NOL4: variants seen among roughly 807,000 people sequenced by gnomAD.
NOL4 encodes cancer/testis antigen 125.
Under a neutral mutation model 75.9 loss-of-function variants are expected in NOL4, and 17 were observed. The ratio of observed to expected loss-of-function variants is 0.22; its 90% CI spans 0.15 to 0.34. The LOEUF is 0.34. NOL4 is among the 10% of genes least tolerant of loss of function. The pLI is 1.00. For missense variants in NOL4, 614 were observed against 793.5 expected (o/e 0.77, Z 2.72); for synonymous variants, 292 against 289.9 (o/e 1.01, Z -0.07).
chr18:34,211,488 A>G (rs1600891507), intron 1 of NOL4, among the ~76,000 whole-genome samples: 1 of 152,188 alleles, frequency 6.6e-6, no homozygotes, highest in East Asian at 1.9e-4. Context: ...TTAGATCCCC[A>G]TATGTGCCTC....
intron 6 of NOL4, among the ~76,000 whole-genome samples, chr18:33,974,261 C>G (rs1158801855): frequency 6.6e-6 from 1 of 152,140 alleles, no homozygotes; most frequent in Non-Finnish European, 1.5e-5. Context: ...TCTCACCTCT[C>G]CCAGCATTCA....
At chr18:33,984,910 G>C (rs2072310255) in intron 6 of NOL4, among the ~76,000 whole-genome samples, 1 of 152,058 alleles carries the variant, frequency 6.6e-6, no homozygotes, top group Non-Finnish European at 1.5e-5. Flanking sequence ...ATTTTACAAA[G>C]TGTTAGCATT....
rs560331305 is a variant in NOL4, at chr18:33,896,091, C to T, written c.1543-12667G>A. Among the ~76,000 whole-genome samples the T allele has an allele frequency of 4.6e-5, 7 of 152,028 alleles. No individual in the cohort carries two copies. In the South Asian group the frequency reaches 1.0e-3, roughly 23 times the overall value. Reference sequence around the variant, plus strand: ...ATAAAATACCTAGGAATACAGCTAACGAGGGAGGTGAAAAATCTCTACAAT... The same window carrying T: ...ATAAAATACCTAGGAATACAGCTAATGAGGGAGGTGAAAAATCTCTACAAT... On this transcript the variant is annotated intron_variant, in intron 9 of 10. Transcript: ENST00000261592.
chr18:34,201,121 G>A (rs1049100719), intron 1 of NOL4, among the ~76,000 whole-genome samples: 2 of 151,568 alleles, frequency 1.3e-5, no homozygotes, highest in African/African-American at 4.8e-5. Context: ...CAAGAGAGGG[G>A]GACAGAGGAA....
intron 6 of NOL4, among the ~76,000 whole-genome samples, chr18:33,968,713 C>T (rs986303934): frequency 2.4e-4 from 37 of 152,164 alleles, no homozygotes; most frequent in African/African-American, 8.9e-4. Flanking sequence ...CAATCATACC[C>T]CAAACTTTAG....
At chr18:34,180,017 C>T (rs1452073005) in intron 1 of NOL4, among the ~76,000 whole-genome samples, 1 of 151,050 alleles carries the variant, frequency 6.6e-6, no homozygotes, top group African/African-American at 2.4e-5. Context: ...CAAAGAAAGC[C>T]AAAGACCACA....
chr18:34,195,967 A>G (rs1273937187), intron 1 of NOL4, among the ~76,000 whole-genome samples: 1 of 152,124 alleles, frequency 6.6e-6, no homozygotes, highest in African/African-American at 2.4e-5. Flanking sequence ...TTACTTTAAC[A>G]ATTTAGATAA....
chr18:34,118,982 A>G (rs1439971919), intron 2 of NOL4, among the ~76,000 whole-genome samples: 2 of 152,174 alleles, frequency 1.3e-5, no homozygotes, highest in Non-Finnish European at 2.9e-5. Flanking sequence ...ATACTACTCA[A>G]TATGGTTCTA....
intron 1 of NOL4, among the ~76,000 whole-genome samples, chr18:34,163,759 C>A (rs1010166514): frequency 6.6e-6 from 1 of 151,978 alleles, no homozygotes; most frequent in East Asian, 1.9e-4. Context: ...TCATATGGAA[C>A]CAAAAAAGAG....
chr18:34,054,187 G>T (rs757663215), intron 5 of NOL4, among the ~76,000 whole-genome samples: 1 of 151,946 alleles, frequency 6.6e-6, no homozygotes, highest in Non-Finnish European at 1.5e-5. Context: ...AATGACTGGA[G>T]TGTTCTTTAT....
At chr18:33,866,246 A>G (rs142085553) in intron 10 of NOL4, among the ~76,000 whole-genome samples, 129 of 152,286 alleles carry the variant, frequency 8.5e-4, no homozygotes, top group African/African-American at 3.1e-3. Flanking sequence ...CGTTTGAAAA[A>G]TTAAGTACTG....
At chr18:34,182,320 C>A (rs1407287670) in intron 1 of NOL4, among the ~76,000 whole-genome samples, 3 of 151,406 alleles carry the variant, frequency 2.0e-5, no homozygotes, top group Non-Finnish European at 4.4e-5. Context: ...CATACTGTAT[C>A]AATACATTTA....
chr18:34,059,122 CATATATATATATATATAT>C (rs55773398), intron 5 of NOL4, among the ~76,000 whole-genome samples: 7,056 of 118,208 alleles, frequency 0.06, 570 homozygotes, highest in African/African-American at 0.19. Flanking sequence ...GATAGATATA[CATATATATATATATATAT>C]ATATATATAT....
intron 5 of NOL4, among the ~76,000 whole-genome samples, chr18:34,054,575 T>C (rs1035795721): frequency 2.0e-5 from 3 of 151,942 alleles, no homozygotes; most frequent in Non-Finnish European, 1.5e-5. Context: ...TCTTTGTGAC[T>C]CTCAGCCTAT....
At chr18:33,924,297 G>A (rs1356071327) in intron 9 of NOL4, among the ~76,000 whole-genome samples, 3 of 152,150 alleles carry the variant, frequency 2.0e-5, no homozygotes, top group South Asian at 2.1e-4. Context: ...ACTAAATGCT[G>A]GGACATTCTT....
At chr18:33,862,873 G>T (rs2063224797) in intron 10 of NOL4, among the ~76,000 whole-genome samples, 1 of 152,164 alleles carries the variant, frequency 6.6e-6, no homozygotes, top group African/African-American at 2.4e-5. Flanking sequence ...TGATTCCTCA[G>T]GGATCTAGAA....
chr18:34,012,840 A>G (rs1466569960), intron 6 of NOL4, among the ~76,000 whole-genome samples: 3 of 152,018 alleles, frequency 2.0e-5, no homozygotes, highest in Non-Finnish European at 4.4e-5. Context: ...CACTGATTGT[A>G]TTAGATACTA....
In NOL4 at chr18:34,008,870, T is replaced by C. The variant is rs114655059; in HGVS notation, c.1056+10448A>G. Among the ~76,000 whole-genome samples, 1,212 of 152,042 alleles carry C rather than the reference T, an allele frequency of 8.0e-3. 18 individuals are homozygous for C. Among genetic ancestry groups the C allele is most frequent in the African/African-American group, 0.027 (1,124 of 41,512 alleles). ...GAAGCCAAATGGCAATGAGAAGAAA[T>C]TACCAGAATGAAAAAGTGTATGGGA... is the stretch of plus-strand genomic sequence containing the variant. On this transcript the variant is annotated intron_variant, in intron 6 of 10. Transcript: ENST00000261592.
chr18:33,975,269 T>G (rs982791583), intron 6 of NOL4, among the ~76,000 whole-genome samples: 1 of 152,244 alleles, frequency 6.6e-6, no homozygotes. Context: ...TGTAGTTAAC[T>G]GTACACTTAA....
Sources: allele counts gnomAD v4.1 joint callset (sites outside exome capture counted in the v4.1 genomes callset), GRCh38; gene constraint gnomAD v4.1.1; transcripts MANE v1.5; gene names NCBI Gene and HGNC (gene_info 2026-07-23, HGNC 2026-07-21).